Variants in HTT observed in about 807,000 individuals in gnomAD.
HTT encodes huntingtin.
HTT carries 104 observed loss-of-function variants against 362.3 expected under a neutral mutation model. The observed-to-expected ratio is 0.29, with a 90% confidence interval of 0.24 to 0.34. The LOEUF (loss-of-function observed/expected upper bound fraction) is 0.34. HTT is among the 10% of genes least tolerant of loss of function. The pLI, the probability that HTT is intolerant of heterozygous loss-of-function variation, is 1.00. For synonymous variants in HTT, 1,577 were observed against 1,548.7 expected, an observed-to-expected ratio of 1.02 and a Z score of -0.43; for missense variants, 3,301 against 3,928.6, an observed-to-expected ratio of 0.84 and a Z score of 4.27.
intron 14 of HTT, among the ~76,000 whole-genome samples, chr4:3,130,647 A>G (rs1034645467): frequency 5.3e-5 from 8 of 152,158 alleles, no homozygotes; most frequent in Admixed American, 1.3e-4. Context: ...TGCCCCAGAC[A>G]AATCTATTCT....
intron 35 of HTT, among the ~76,000 whole-genome samples, chr4:3,178,805 A>G (rs915740358): frequency 6.6e-6 from 1 of 152,238 alleles, no homozygotes; most frequent in Non-Finnish European, 1.5e-5. Flanking sequence ...AAATTCTTAA[A>G]TCGAACTTGC....
chr4:3,218,789 C>T lies in HTT; in HGVS notation c.7242+837C>T, dbSNP rs1285365246. 3.3e-5 allele frequency among the ~76,000 whole-genome samples: 5 copies of T among 152,124 alleles called. No individual in the cohort carries two copies. Among genetic ancestry groups the T allele is most frequent in the Non-Finnish European group, 7.4e-5 (5 of 68,008 alleles). Reference sequence around the variant, plus strand: ...AGCCCGCTGAAATAAGATGATGGGGCCTGTTCCTTAGGGCCTGCAGCATCC... The same window carrying T: ...AGCCCGCTGAAATAAGATGATGGGGTCTGTTCCTTAGGGCCTGCAGCATCC... On this transcript the variant is annotated intron_variant, in intron 52 of 66. Transcript: ENST00000355072. The surrounding 1 kb of genome is among the most constrained non-coding windows in gnomAD (Gnocchi z 4.4).
chr4:3,145,095 T>G (rs778546103), intron 23 of HTT, 57 bp from the exon 24 acceptor site: 3 of 1,230,060 alleles, frequency 2.4e-6, no homozygotes, highest in African/African-American at 1.5e-5. Context: ...ACAGGAGATA[T>G]AATTCAATAA....
intron 61 of HTT, among the ~76,000 whole-genome samples, chr4:3,234,870 C>T (rs182610825): frequency 4.6e-5 from 7 of 152,280 alleles, no homozygotes; most frequent in African/African-American, 7.2e-5. Context: ...CCGGCGCTGT[C>T]GGGGGATCAC....
chr4:3,151,596 G>T (rs1224296922), intron 26 of HTT, among the ~76,000 whole-genome samples: 2 of 152,146 alleles, frequency 1.3e-5, no homozygotes, highest in African/African-American at 2.4e-5. Flanking sequence ...ATCAGAGCAT[G>T]AACCCTATTG....
At chr4:3,084,997 G>C (rs1022507596) in intron 1 of HTT, among the ~76,000 whole-genome samples, 2 of 151,208 alleles carry the variant, frequency 1.3e-5, no homozygotes, top group African/African-American at 2.4e-5. Flanking sequence ...CTGGGCGACA[G>C]AGCAAGACTC....
chr4:3,130,162 T>C (rs1173681280), intron 13 of HTT, 115 bp downstream of exon 13: 1 of 1,202,702 alleles, frequency 8.3e-7, no homozygotes, highest in Non-Finnish European at 1.2e-6. Context: ...GAGTTCTGAA[T>C]AGCTGATGAA....
rs929832393 is a variant in HTT, at chr4:3,208,988, C to T, written c.6291+77C>T. On this transcript the variant is annotated intron_variant, in intron 46 of 66. Coordinates refer to ENST00000355072, the MANE Select transcript of HTT (RefSeq NM_001388492.1). Reference sequence around the variant, plus strand: ...TCACCTGTGGCAGATACAGAGAGTGCAGAGGAGGTGCCGTGGACCCAAGGA... The same window carrying T: ...TCACCTGTGGCAGATACAGAGAGTGTAGAGGAGGTGCCGTGGACCCAAGGA... 9.6e-6 allele frequency: 14 copies of T among 1,456,304 alleles called. 1 individual carries two copies. The African/African-American group carries it at 1.3e-4, about 13-fold the overall frequency. 90.2% of individuals were successfully genotyped at this position (1,456,304 alleles called of 1,614,324 possible). A position where few individuals can be genotyped will look rare whatever the true frequency, so the allele number is the denominator to read the frequency against.
chr4:3,144,676 T>A (rs550409789), intron 23 of HTT, among the ~76,000 whole-genome samples: 10 of 152,376 alleles, frequency 6.6e-5, no homozygotes, highest in Non-Finnish European at 1.0e-4. Flanking sequence ...CTAAATATTG[T>A]TTGGGCTGTC....
chr4:3,223,519 G>A lies in HTT; in HGVS notation c.7584G>A (p.Glu2528=). ...GCAACCCAGCTGTAAGCTGCTTGGA[G>A]CAGCAGCCCCGGAACAAGCCTCTGA... is the stretch of plus-strand genomic sequence containing the variant. ...VAGNPAVSCL[E]QQPRNKPLKA... The change falls in exon 55 of 67, where the codon GAG becomes GAA. Residue 2528 remains glutamate, a synonymous_variant. Coordinates refer to ENST00000355072, the MANE Select transcript of HTT (RefSeq NM_001388492.1). 1 of 1,613,706 alleles carries A rather than the reference G, an allele frequency of 6.2e-7. No homozygotes were observed. Among genetic ancestry groups the A allele is most frequent in the Non-Finnish European group, 8.5e-7 (1 of 1,179,798 alleles).
intron 12 of HTT, 27 bp downstream of exon 12, chr4:3,127,631 T>C (rs770052887): frequency 3.3e-5 from 46 of 1,378,420 alleles, no homozygotes; most frequent in Non-Finnish European, 4.3e-5. Context: ...GCCTGACATC[T>C]TTTTTTTTAT....
chr4:3,236,826 A>G (rs1217586906), intron 64 of HTT, among the ~76,000 whole-genome samples: 5 of 151,006 alleles, frequency 3.3e-5, no homozygotes, highest in Non-Finnish European at 7.4e-5. Context: ...GAAGTGGGTT[A>G]GGAGCTTGGT....
Position 3,215,172 on chromosome 4 carries a change from A to G in HTT, c.7015A>G (p.Ile2339Val). The change falls in exon 51 of 67, where the codon ATC becomes GTC. Residue 2339 changes from isoleucine (I) to valine (V), a missense_variant. Physicochemically the swap from Ile to Val is conservative, Grantham distance 29 (BLOSUM62 3). Transcript: ENST00000355072. ...PERRTNTPKA[I>V]SEEEEEVDPN... is the part of the protein sequence containing the mutation. ...AAGAAGGACAAATACCCCAAAAGCC[A>G]TCAGCGAGGAGGAGGAGGAAGTAGA... 1 of 1,614,188 alleles carries G rather than the reference A, an allele frequency of 6.2e-7. No individual in the cohort carries two copies. Among genetic ancestry groups the G allele is most frequent in the Non-Finnish European group, 8.5e-7 (1 of 1,180,026 alleles).
At chr4:3,208,739 T>G (rs1159525309) in intron 45 of HTT, 34 bp from the exon 46 acceptor site, 2 of 1,522,450 alleles carry the variant, frequency 1.3e-6, no homozygotes, top group Non-Finnish European at 1.8e-6. Context: ...AAAAAACAAA[T>G]TATACTGTAA....
intron 37 of HTT, among the ~76,000 whole-genome samples, chr4:3,186,009 G>A (rs1228745940): frequency 2.0e-5 from 3 of 152,182 alleles, no homozygotes; most frequent in East Asian, 1.9e-4. Context: ...TGCCTTGGGA[G>A]TTCTCCATTG....
At chr4:3,118,181 C>G (rs1252884567) in intron 8 of HTT, among the ~76,000 whole-genome samples, 1 of 152,086 alleles carries the variant, frequency 6.6e-6, no homozygotes, top group Non-Finnish European at 1.5e-5. Flanking sequence ...GAGGAAAAGC[C>G]TTGTCAGATT....
Position 3,161,492 on chromosome 4 carries a change from G to A in HTT, c.3864+1100G>A, listed in dbSNP as rs188871330. Among the ~76,000 whole-genome samples the A allele has an allele frequency of 3.9e-5, 6 of 152,248 alleles. No homozygotes were observed. The East Asian group carries it at 7.7e-4, about 20-fold the overall frequency. On this transcript the variant is annotated intron_variant, in intron 29 of 66. Transcript: ENST00000355072. ...TCTAGTTCTAGACCTTTGAGGAATC[G>A]CCAGACTGTCTTCCACAATAGTTGA...
chr4:3,235,176 C>A, intron 61 of HTT, 108 bp from the exon 62 acceptor site: 1 of 793,900 alleles, frequency 1.3e-6, no homozygotes. Context: ...CTCCCGGGAG[C>A]CCGCCTGGCC....
chr4:3,234,246 G>C (rs754703095), intron 61 of HTT, among the ~76,000 whole-genome samples: 1 of 152,282 alleles, frequency 6.6e-6, no homozygotes. Flanking sequence ...TTTGGGACAT[G>C]CTGGAGCAGG....
Sources: allele counts gnomAD v4.1 joint callset (sites outside exome capture counted in the v4.1 genomes callset), GRCh38; gene constraint gnomAD v4.1.1; non-coding constraint Gnocchi (gnomAD v3.1); transcripts MANE v1.5; gene names NCBI Gene and HGNC (gene_info 2026-07-23, HGNC 2026-07-21).